The following RELCH variants were observed in gnomAD, a reference collection of about 807,000 sequenced individuals.
The protein encoded by RELCH is RAB11-binding protein RELCH.
A neutral mutation model predicts 150.3 loss-of-function variants in RELCH; 41 were observed. The ratio of observed to expected loss-of-function variants is 0.27; its 90% CI spans 0.21 to 0.35. The LOEUF is 0.35. Among genes scored for constraint, RELCH ranks in the 10% least tolerant of loss-of-function variants. The pLI, the probability that RELCH is intolerant of heterozygous loss-of-function variation, is 1.00. For synonymous variants in RELCH, 478 were observed against 531.8 expected (o/e 0.90, Z 1.39); for missense variants, 1,092 against 1,467.8 (o/e 0.74, Z 4.18).
intron 1 of RELCH, among the ~76,000 whole-genome samples, chr18:62,188,758 G>T (rs1263937954): frequency 6.6e-6 from 1 of 152,156 alleles, no homozygotes; most frequent in Non-Finnish European, 1.5e-5. Flanking sequence ...ATTTTTAGCA[G>T]CATAGAGTAA....
chr18:62,254,990 A>G (rs1054553456), intron 12 of RELCH, among the ~76,000 whole-genome samples: 2 of 152,122 alleles, frequency 1.3e-5, no homozygotes, highest in African/African-American at 4.8e-5. Context: ...TTCCTTCCTC[A>G]TCCCTTAGGT....
chr18:62,237,610 G>A (rs533232199), intron 10 of RELCH, among the ~76,000 whole-genome samples: 1 of 151,604 alleles, frequency 6.6e-6, no homozygotes, highest in East Asian at 1.9e-4. Context: ...TACACCTTCA[G>A]TAAAAAAGAT....
At chr18:62,290,872 T>C (rs2045093916) in intron 26 of RELCH, among the ~76,000 whole-genome samples, 1 of 152,236 alleles carries the variant, frequency 6.6e-6, no homozygotes, top group Non-Finnish European at 1.5e-5. Context: ...CTACCTTAGA[T>C]AACTTATTTT....
In RELCH at chr18:62,227,641, T is replaced by C; in HGVS notation, c.1106T>C (p.Leu369Ser). 1 of 1,570,642 alleles carries C rather than the reference T, an allele frequency of 6.4e-7. No individual in the cohort carries two copies. The highest frequency in any genetic ancestry group is 8.7e-7 in the Non-Finnish European group (1 of 1,146,506). The change falls in exon 7 of 29, where the codon TTA becomes TCA. Residue 369 changes from leucine (L) to serine (S), a missense_variant. By Grantham distance (145) the Leu-to-Ser change is moderately radical. Coordinates refer to ENST00000644646, the MANE Select transcript of RELCH (RefSeq NM_001346231.2). ...AAATTAGAAGATAAAATTAGTTTGT[T>C]AAATAGTGAGAAATGGTCATTGATG... The part of the protein sequence containing the change: ...VQKLEDKISL[L>S]NSEKWSLMEQ...
chr18:62,295,014 G>A (rs2045335576), intron 27 of RELCH, among the ~76,000 whole-genome samples: 1 of 152,146 alleles, frequency 6.6e-6, no homozygotes, highest in Admixed American at 6.6e-5. Flanking sequence ...CTTCATTACA[G>A]TTGTCTTGTT....
Position 62,264,810 on chromosome 18 carries a change from G to T in RELCH, c.2589G>T (p.Trp863Cys), listed in dbSNP as rs774154780. ...TCCATGAATTCTCCAGATTTTTCTG[G>T]CGCCTTTGCCGGACATTTGGCAAAA... The part of the protein sequence containing the change: ...ACVHEFSRFF[W>C]RLCRTFGKIF... Residue 863 changes from tryptophan (W) to cysteine (C), a missense_variant, in exon 18 of 29, where the codon TGG becomes TGT. Transcript: ENST00000644646. 6.2e-7 allele frequency: 1 copy of T among 1,609,238 alleles called. No individual in the cohort carries two copies. Among genetic ancestry groups the T allele is most frequent in the Non-Finnish European group, 8.5e-7 (1 of 1,177,674 alleles).
At chr18:62,240,868 A>C (rs2042115981) in intron 10 of RELCH, among the ~76,000 whole-genome samples, 1 of 152,110 alleles carries the variant, frequency 6.6e-6, no homozygotes, top group Non-Finnish European at 1.5e-5. Flanking sequence ...AAGGAGGCTG[A>C]GGCAGGAGGA....
At chr18:62,274,792 TAA>T (rs1367652985) in intron 21 of RELCH, among the ~76,000 whole-genome samples, 1 of 152,364 alleles carries the variant, frequency 6.6e-6, no homozygotes, top group East Asian at 1.9e-4. Context: ...TGCATGCTAT[TAA>T]AAAGAGTGGA....
chr18:62,214,673 C>T (rs1305464508), intron 2 of RELCH, among the ~76,000 whole-genome samples: 1 of 152,182 alleles, frequency 6.6e-6, no homozygotes, highest in East Asian at 1.9e-4. Flanking sequence ...AGCTCATACA[C>T]TCTGCATGTC....
intron 28 of RELCH, among the ~76,000 whole-genome samples, chr18:62,303,023 C>G (rs1177268047): frequency 4.6e-5 from 7 of 152,060 alleles, no homozygotes; most frequent in Non-Finnish European, 8.8e-5. Context: ...TTAAAATCTC[C>G]CTTTCCAAAA....
At chr18:62,271,462 A>G (rs538606173) in intron 20 of RELCH, among the ~76,000 whole-genome samples, 1 of 152,016 alleles carries the variant, frequency 6.6e-6, no homozygotes, top group South Asian at 2.1e-4. Context: ...AATTTGTTTG[A>G]GTTCTTTGTA....
rs2045242733 is a variant in RELCH at position 62,293,238 on chromosome 18, A to G, written c.3459+1607A>G. 3.3e-5 allele frequency among the ~76,000 whole-genome samples: 5 copies of G among 152,232 alleles called. No individual in the cohort carries two copies. The South Asian group carries it at 1.0e-3, about 32-fold the overall frequency. The stretch of plus-strand genomic sequence containing the variant: ...TGTATTAGTCAGGGTTCTCCAGAGA[A>G]GCAAAACCAAAATGATATATTAAGA... On this transcript the variant is annotated intron_variant, in intron 27 of 28. Transcript: ENST00000644646.
In RELCH at chr18:62,308,966, A is replaced by C. The variant is rs1489661643; in HGVS notation, c.*3432A>C. ...AAAAAGAAATAGAGACTGGCCGGGC[A>C]CGGTGGCTCATGCCTGTAATACCAG... On this transcript the variant is annotated 3_prime_UTR_variant, in exon 29 of 29. Transcript: ENST00000644646. 4 of 152,010 alleles carry C rather than the reference A, an allele frequency of 2.6e-5. No individual in the cohort carries two copies. The highest frequency in any genetic ancestry group is 4.8e-5 in the African/African-American group (2 of 41,372). 9.4% of individuals were successfully genotyped at this position (152,010 alleles called of 1,614,324 possible). A position where few individuals can be genotyped will look rare whatever the true frequency, so the allele number is the denominator to read the frequency against.
rs1249633659 is a variant in RELCH at position 62,206,700 on chromosome 18, G to A, written c.527-4453G>A. Among the ~76,000 whole-genome samples the A allele has an allele frequency of 2.6e-5, 4 of 152,176 alleles. 1 individual carries two copies. In the East Asian group the frequency reaches 5.8e-4, roughly 22 times the overall value. On this transcript the variant is annotated intron_variant, in intron 1 of 28. Transcript: ENST00000644646. ...AGCTGGATAAAAAAAAGTTTTGTGT[G>A]TGTAAAATTTAATAGAGAAGCAGTT...
At chr18:62,234,242 T>C (rs866624130) in intron 10 of RELCH, among the ~76,000 whole-genome samples, 1 of 151,806 alleles carries the variant, frequency 6.6e-6, no homozygotes, top group Middle Eastern at 3.2e-3. Flanking sequence ...CCGTTTCTTA[T>C]TATAAATCTA....
chr18:62,216,254 G>A (rs1245006825), intron 2 of RELCH, among the ~76,000 whole-genome samples: 2 of 151,966 alleles, frequency 1.3e-5, no homozygotes, highest in Non-Finnish European at 2.9e-5. Context: ...GATAGATAAC[G>A]TTTCTGCTCT....
chr18:62,188,824 A>G (rs1466272659), intron 1 of RELCH, among the ~76,000 whole-genome samples: 1 of 152,164 alleles, frequency 6.6e-6, no homozygotes, highest in Non-Finnish European at 1.5e-5. Context: ...TTACTGTCAA[A>G]GATGTAGTGT....
chr18:62,204,831 G>C (rs180817220), intron 1 of RELCH, among the ~76,000 whole-genome samples: 207 of 152,306 alleles, frequency 1.4e-3, no homozygotes, highest in Non-Finnish European at 2.5e-3. Flanking sequence ...ATTTCAAACA[G>C]AGGGAGAAAA....
intron 26 of RELCH, among the ~76,000 whole-genome samples, chr18:62,288,369 A>G (rs1394220958): frequency 6.6e-6 from 1 of 152,162 alleles, no homozygotes; most frequent in African/African-American, 2.4e-5. Context: ...GTAATAAGCA[A>G]CATGAACAGG....
Sources: allele counts gnomAD v4.1 joint callset (sites outside exome capture counted in the v4.1 genomes callset), GRCh38; gene constraint gnomAD v4.1.1; transcripts MANE v1.5; gene names NCBI Gene and HGNC (gene_info 2026-07-23, HGNC 2026-07-21).